The following CPB2 variants were observed in gnomAD, a reference collection of about 807,000 sequenced individuals.
CPB2 encodes carboxypeptidase B2.
CPB2 carries 54 observed loss-of-function variants against 57.0 expected under a neutral mutation model. The observed-to-expected ratio is 0.95, with a 90% confidence interval of 0.76 to 1.19. The LOEUF (loss-of-function observed/expected upper bound fraction) is 1.19, where lower values mean the gene tolerates loss of function less well. Among genes scored for constraint, CPB2 ranks in the 50% most tolerant of loss-of-function variants. CPB2 has a pLI of 0.00. For missense variants in CPB2, 426 were observed against 512.0 expected (o/e 0.83, Z 1.62); for synonymous variants, 189 against 178.1 (o/e 1.06, Z -0.49).
intron 1 of CPB2, among the ~76,000 whole-genome samples, chr13:46,092,899 CTTTGTTTGTT>C (rs927174862): frequency 6.6e-6 from 1 of 151,800 alleles, no homozygotes; most frequent in African/African-American, 2.4e-5. Flanking sequence ...ATTTGTTTTC[CTTTGTTTGTT>C]TTTGTTTGTT....
At chr13:46,062,768 GA>G (rs2044793965) in intron 8 of CPB2, among the ~76,000 whole-genome samples, 1 of 152,092 alleles carries the variant, frequency 6.6e-6, no homozygotes, top group Non-Finnish European at 1.5e-5. Context: ...CCTAGACAGG[GA>G]AAAAAATAAG....
At position 46,058,204 on chromosome 13, in the gene CPB2, C is replaced by T; in HGVS notation, c.974G>A (p.Ser325Asn). The T allele has an allele frequency of 6.2e-7, 1 of 1,613,838 alleles. No individual in the cohort carries two copies. The highest frequency in any genetic ancestry group is 8.5e-7 in the Non-Finnish European group (1 of 1,179,772). The change falls in exon 9 of 11, where the codon AGT (serine) becomes AAT (asparagine). Residue 325 changes from serine (S) to asparagine (N), a missense_variant. Ser to Asn is a conservative substitution (Grantham distance 46, BLOSUM62 1). Transcript: ENST00000181383. ...HIVFPYSYTR[S>N]KSKDHEELSL... ...CAGTTCCTCATGGTCTTTGCTTTTA[C>T]TTCGTGTATAGGAATATGGAAACAC...
At chr13:46,056,967 G>A (rs181789038) in intron 9 of CPB2, among the ~76,000 whole-genome samples, 21 of 152,210 alleles carry the variant, frequency 1.4e-4, no homozygotes, top group Non-Finnish European at 7.4e-5. Flanking sequence ...TCTGTGCCAC[G>A]TATTTAGTAG....
At chr13:46,087,189 G>C (rs1408753937) in intron 2 of CPB2, among the ~76,000 whole-genome samples, 3 of 152,214 alleles carry the variant, frequency 2.0e-5, no homozygotes, top group Non-Finnish European at 2.9e-5. Flanking sequence ...GGGAGCATGA[G>C]GCTGCCGCCC....
At chr13:46,080,348 A>T (rs1253732112) in intron 4 of CPB2, among the ~76,000 whole-genome samples, 2 of 152,190 alleles carry the variant, frequency 1.3e-5, no homozygotes, top group African/African-American at 4.8e-5. Flanking sequence ...AGAAGCACTT[A>T]GAGGAATATT....
At chr13:46,068,538 T>C (rs2044888852) in intron 6 of CPB2, among the ~76,000 whole-genome samples, 1 of 151,874 alleles carries the variant, frequency 6.6e-6, no homozygotes, top group Admixed American at 6.6e-5. Context: ...GTTTTGTTTT[T>C]TTGTTTGTTT....
chr13:46,081,479 A>G (rs890261844), intron 4 of CPB2, among the ~76,000 whole-genome samples: 1 of 152,008 alleles, frequency 6.6e-6, no homozygotes, highest in African/African-American at 2.4e-5. Context: ...AGGAGAGATT[A>G]AAAAAGGGGG....
At chr13:46,072,719 G>A (rs1264210026) in intron 6 of CPB2, among the ~76,000 whole-genome samples, 2 of 152,152 alleles carry the variant, frequency 1.3e-5, no homozygotes, top group African/African-American at 4.8e-5. Flanking sequence ...ATATAAATTA[G>A]AGTCAATATG....
intron 8 of CPB2, among the ~76,000 whole-genome samples, chr13:46,061,315 A>C (rs1390742402): frequency 6.6e-6 from 1 of 152,194 alleles, no homozygotes; most frequent in Non-Finnish European, 1.5e-5. Context: ...GTTTTAGAAA[A>C]TGTGTGGTGC....
intron 1 of CPB2, among the ~76,000 whole-genome samples, chr13:46,090,608 C>T (rs917583332): frequency 4.1e-5 from 6 of 147,096 alleles, no homozygotes; most frequent in South Asian, 2.2e-4. Flanking sequence ...GTGATCCACC[C>T]GCCTCAGCCT....
intron 1 of CPB2, chr13:46,094,824 A>G (rs2045343753): frequency 6.6e-6 from 1 of 152,164 alleles, no homozygotes; most frequent in Non-Finnish European, 1.5e-5. Flanking sequence ...TATCCTAATC[A>G]AAAGTCATAA....
At chr13:46,063,154 C>T (rs2044800661) in intron 8 of CPB2, among the ~76,000 whole-genome samples, 1 of 152,106 alleles carries the variant, frequency 6.6e-6, no homozygotes, top group Non-Finnish European at 1.5e-5. Context: ...CTAACACCTA[C>T]CCCCCTAAAA....
chr13:46,055,691 A>C (rs1211593301), intron 10 of CPB2, 71 bp downstream of exon 10: 1 of 886,096 alleles, frequency 1.1e-6, no homozygotes, highest in African/African-American at 1.7e-5. Context: ...TTAAATACAC[A>C]AAGAAAAACA....
At chr13:46,074,318 A>G (rs2044988513) in intron 5 of CPB2, among the ~76,000 whole-genome samples, 1 of 152,226 alleles carries the variant, frequency 6.6e-6, no homozygotes, top group Admixed American at 6.5e-5. Context: ...CTGTATCTTC[A>G]TGCTTCATTT....
chr13:46,085,909 G>A (rs973399820), intron 2 of CPB2, among the ~76,000 whole-genome samples: 6 of 152,234 alleles, frequency 3.9e-5, no homozygotes, highest in African/African-American at 1.4e-4. Context: ...CTACTGGCTT[G>A]GGTCTCATTC....
chr13:46,093,180 TG>T (rs2045318074), intron 1 of CPB2, among the ~76,000 whole-genome samples: 1 of 152,214 alleles, frequency 6.6e-6, no homozygotes, highest in Admixed American at 6.5e-5. Context: ...CCCAAAATGC[TG>T]GGATTACAGG....
intron 1 of CPB2, among the ~76,000 whole-genome samples, chr13:46,093,656 TAAAG>T (rs2045326274): frequency 6.6e-6 from 1 of 152,094 alleles, no homozygotes; most frequent in Non-Finnish European, 1.5e-5. Context: ...GTTAGAAAGA[TAAAG>T]AAAAATTATA....
At chr13:46,072,445 C>T (rs751298469) in intron 6 of CPB2, among the ~76,000 whole-genome samples, 2 of 151,992 alleles carry the variant, frequency 1.3e-5, no homozygotes, top group Non-Finnish European at 2.9e-5. Flanking sequence ...TTAAAAAGCC[C>T]TTATTGATTA....
At chr13:46,055,053 T>G (rs942695088) in intron 10 of CPB2, among the ~76,000 whole-genome samples, 2 of 141,886 alleles carry the variant, frequency 1.4e-5, no homozygotes, top group Non-Finnish European at 3.0e-5. Context: ...ACCTGGCCTC[T>G]TTTTGTTTTT....
Sources: allele counts gnomAD v4.1 joint callset (sites outside exome capture counted in the v4.1 genomes callset), GRCh38; gene constraint gnomAD v4.1.1; transcripts MANE v1.5; gene names NCBI Gene and HGNC (gene_info 2026-07-23, HGNC 2026-07-21).